The following HTT variants were observed in gnomAD, a reference collection of about 807,000 sequenced individuals.
HTT encodes huntington disease protein.
In HTT, 104 loss-of-function variants were observed where a neutral mutation model predicts 362.3. That is an observed-to-expected ratio of 0.29 (90% CI 0.24 to 0.34). HTT has a LOEUF of 0.34. Among genes scored for constraint, HTT ranks in the 10% least tolerant of loss-of-function variants. HTT has a pLI of 1.00. For missense variants in HTT, 3,301 were observed against 3,928.6 expected (o/e 0.84, Z 4.27); for synonymous variants, 1,577 against 1,548.7 (o/e 1.02, Z -0.43).
At chr4:3,186,026 G>A (rs947623104) in intron 37 of HTT, among the ~76,000 whole-genome samples, 3 of 152,186 alleles carry the variant, frequency 2.0e-5, no homozygotes, top group African/African-American at 4.8e-5. Flanking sequence ...ATTGCACTGG[G>A]TTAAGTGAGA....
In HTT at chr4:3,175,904, G is replaced by A. The variant is rs79223279; in HGVS notation, c.4407+797G>A. 6.6e-3 allele frequency among the ~76,000 whole-genome samples: 1,010 copies of A among 152,196 alleles called. 12 individuals carry two copies. Among genetic ancestry groups the A allele is most frequent in the African/African-American group, 0.022 (928 of 41,510 alleles). ...AGACGTAAATCTGTTAATCCTGTCA[G>A]CACTGTTACTCACCTGAAAGGGTCT... On this transcript the variant is annotated intron_variant, in intron 33 of 66. Coordinates refer to ENST00000355072, the MANE Select transcript of HTT (RefSeq NM_001388492.1).
chr4:3,134,583 T>C lies in HTT; in HGVS notation c.2633+43T>C, dbSNP rs756901607. 7.7e-6 allele frequency: 12 copies of C among 1,559,686 alleles called. No homozygotes were observed. In the East Asian group the frequency reaches 2.7e-4, roughly 35 times the overall value. On this transcript the variant is annotated intron_variant, in intron 19 of 66. Coordinates refer to ENST00000355072, the MANE Select transcript of HTT (RefSeq NM_001388492.1). ...ATTAGATTTCATGAACTAAGCTCAA[T>C]TGAAAGTTCTGGGATCACTTGATGC...
intron 54 of HTT, 37 bp from the exon 55 acceptor site, chr4:3,223,369 C>G: frequency 6.5e-7 from 1 of 1,533,116 alleles, no homozygotes. Context: ...TTGTGGGTGT[C>G]TTGCTGCTCT....
At chr4:3,186,822 G>A in intron 38 of HTT, 103 bp downstream of exon 38, 1 of 974,394 alleles carries the variant, frequency 1.0e-6, no homozygotes, top group Non-Finnish European at 1.5e-6. Context: ...TTTGGGTAGG[G>A]CTTCTTGAGA....
chr4:3,184,478 C>G (rs1226582468), intron 37 of HTT, among the ~76,000 whole-genome samples: 1 of 151,934 alleles, frequency 6.6e-6, no homozygotes, highest in African/African-American at 2.4e-5. Context: ...GCAGGGCCAC[C>G]CATGTGAGAC....
intron 18 of HTT, among the ~76,000 whole-genome samples, chr4:3,133,540 A>G (rs573310405): frequency 1.4e-5 from 2 of 142,726 alleles, no homozygotes; most frequent in African/African-American, 4.9e-5. Flanking sequence ...AAAAAAAAAA[A>G]AAACCACTGT....
intron 41 of HTT, among the ~76,000 whole-genome samples, chr4:3,201,437 G>A (rs1719524122): frequency 6.6e-6 from 1 of 151,658 alleles, no homozygotes; most frequent in Non-Finnish European, 1.5e-5. Flanking sequence ...GGCTGAGGCG[G>A]GAGAATCGCT....
At chr4:3,214,173 G>C in intron 50 of HTT, 38 bp downstream of exon 50, 2 of 1,386,120 alleles carry the variant, frequency 1.4e-6, no homozygotes, top group Non-Finnish European at 1.9e-6. Flanking sequence ...TCCTATCATA[G>C]TTCCTGTCTG....
intron 48 of HTT, 37 bp from the exon 49 acceptor site, chr4:3,212,527 C>G: frequency 4.4e-6 from 7 of 1,600,308 alleles, no homozygotes; most frequent in Non-Finnish European, 6.0e-6. Flanking sequence ...CATCTGTGCT[C>G]ACGTTTGCAC....
chr4:3,211,770 A>G (rs890792374), intron 47 of HTT, 159 bp from the exon 48 acceptor site: 54 of 590,654 alleles, frequency 9.1e-5, no homozygotes, highest in Non-Finnish European at 1.5e-4. Flanking sequence ...TATAACAGGC[A>G]TAGAGTAGAA....
chr4:3,142,920 T>C, intron 23 of HTT, 34 bp downstream of exon 23: 1 of 1,596,254 alleles, frequency 6.3e-7, no homozygotes, highest in Non-Finnish European at 8.6e-7. Flanking sequence ...TTACTGACAT[T>C]GTAATAGTTT....
At chr4:3,088,665 C>T (rs1034710357) in intron 2 of HTT, among the ~76,000 whole-genome samples, 1 of 152,122 alleles carries the variant, frequency 6.6e-6, no homozygotes, top group African/African-American at 2.4e-5. Context: ...TTCCTGTAGT[C>T]CCTTTCTACT....
intron 9 of HTT, among the ~76,000 whole-genome samples, chr4:3,122,172 T>C (rs1418538225): frequency 6.6e-6 from 1 of 152,184 alleles, no homozygotes; most frequent in East Asian, 1.9e-4. Context: ...TCCATGCTCT[T>C]GGGGCTGGGC....
chr4:3,233,862 C>G (rs362313), intron 61 of HTT, among the ~76,000 whole-genome samples: 1 of 152,172 alleles, frequency 6.6e-6, no homozygotes, highest in South Asian at 2.1e-4. Context: ...CTCTTCACAG[C>G]GATGTCTTAC....
rs1192643187 is a variant in HTT at position 3,147,020 on chromosome 4, G to C, written c.3295+72G>C. ...TTTCCTTAGGGGGAATGGGGGTGGT[G>C]AGCATATGAGGGGAAAATACTATAA... is the stretch of plus-strand genomic sequence containing the variant. On this transcript the variant is annotated intron_variant, in intron 25 of 66. Coordinates refer to ENST00000355072, the MANE Select transcript of HTT (RefSeq NM_001388492.1). The C allele has an allele frequency of 1.2e-4, 173 of 1,439,016 alleles. 4 individuals are homozygous for C. The South Asian group carries it at 1.8e-3, about 15-fold the overall frequency. The allele number at this position is 1,439,016 out of a possible 1,614,324, so 89.1% of individuals were successfully genotyped here. A position where few individuals can be genotyped will look rare whatever the true frequency, so the allele number is the denominator to read the frequency against.
At chr4:3,198,587 G>A (rs1291509783) in intron 40 of HTT, among the ~76,000 whole-genome samples, 2 of 152,206 alleles carry the variant, frequency 1.3e-5, no homozygotes, top group Admixed American at 6.5e-5. Flanking sequence ...CCAGATCTGG[G>A]GGAGAGGGTG....
At chr4:3,105,664 A>G (rs1010281803) in intron 5 of HTT, among the ~76,000 whole-genome samples, 1 of 152,184 alleles carries the variant, frequency 6.6e-6, no homozygotes, top group African/African-American at 2.4e-5. Flanking sequence ...CAAGAGACTT[A>G]TGGGATGTGT....
At chr4:3,171,913 G>T (rs1717999046) in intron 29 of HTT, among the ~76,000 whole-genome samples, 1 of 152,240 alleles carries the variant, frequency 6.6e-6, no homozygotes, top group South Asian at 2.1e-4. Flanking sequence ...TTCTAGGACT[G>T]ATTTGTGGTA....
At position 3,235,338 on chromosome 4, in the gene HTT, T is replaced by G. The variant is rs1299397523; in HGVS notation, c.8511T>G (p.Phe2837Leu). Residue 2837 changes from phenylalanine (F) to leucine (L), a missense_variant, in exon 62 of 67, where the codon TTT becomes TTG. Physicochemically the swap from Phe to Leu is conservative, Grantham distance 22. Coordinates refer to ENST00000355072, the MANE Select transcript of HTT (RefSeq NM_001388492.1). ...TACTGGTCATGTGTGCCACTGCGTT[T>G]TACCTCATTGAGAACTATCCTCTGG... ...QHVLVMCATAFYLIENYPLDV... is the reference protein window; with the variant it reads ...QHVLVMCATALYLIENYPLDV... 2.5e-6 allele frequency: 4 copies of G among 1,614,136 alleles called. No individual in the cohort carries two copies. Among genetic ancestry groups the G allele is most frequent in the Non-Finnish European group, 3.4e-6 (4 of 1,179,974 alleles).
Sources: gnomAD v4.1 joint callset for allele counts (sites outside exome capture counted in the v4.1 genomes callset) on GRCh38, gnomAD v4.1.1 for gene constraint, MANE v1.5 for transcripts, NCBI Gene and HGNC (gene_info 2026-07-23, HGNC 2026-07-21) for gene names.